CCDC22: variants seen among roughly 807,000 people sequenced by gnomAD.
CCDC22 encodes CCC complex scaffolding subunit CCDC22.
CCDC22 carries 4 observed loss-of-function variants against 53.1 expected under a neutral mutation model. The observed-to-expected ratio is 0.08, with a 90% confidence interval of 0.04 to 0.17. CCDC22 has a LOEUF of 0.17. CCDC22 is among the 10% of genes least tolerant of loss of function. The pLI is 1.00. For synonymous variants in CCDC22, 222 were observed against 224.4 expected (o/e 0.99, Z 0.10); for missense variants, 458 against 554.0 (o/e 0.83, Z 1.74).
intron 7 of CCDC22, 74 bp downstream of exon 7, chrX:49,246,999 C>T: frequency 4.6e-6 from 4 of 874,470 alleles, no homozygotes; most frequent in Non-Finnish European, 6.5e-6. Context: ...GTGTCAGCAC[C>T]ACACCTTTAT....
At chrX:49,243,530 C>T in intron 6 of CCDC22, 68 bp downstream of exon 6, 1 of 888,041 alleles carries the variant, frequency 1.1e-6, no homozygotes, top group Non-Finnish European at 1.5e-6. Flanking sequence ...TGGTCCTCTG[C>T]TCTCCTTCCC....
chrX:49,239,528 C>T (rs1475173658), intron 2 of CCDC22: 3 of 602,452 alleles, frequency 5.0e-6, no homozygotes, highest in African/African-American at 5.0e-5. Flanking sequence ...GAGTAACTAC[C>T]GTGAAAACTT....
chrX:49,246,380 T>G (rs1181967366), intron 6 of CCDC22, among the ~76,000 whole-genome samples: 1 of 112,436 alleles, frequency 8.9e-6, no homozygotes, highest in East Asian at 2.8e-4. Flanking sequence ...CCTCTTTCTG[T>G]GCTTGGTACC....
In CCDC22 at chrX:49,248,834, T is replaced by C; in HGVS notation, c.1449T>C (p.Thr483=). 1 of 1,210,597 alleles carries C rather than the reference T, an allele frequency of 8.3e-7. No homozygotes were observed. The highest frequency in any genetic ancestry group is 2.2e-5 in the Admixed American group (1 of 45,931). The change falls in exon 13 of 17, where the codon ACT becomes ACC. Residue 483 remains threonine, a synonymous_variant. Transcript: ENST00000376227. ...CTGCCTAGATGTCAGAGCTGGAGAC[T>C]CTGCCCAGAGATGTGTCCCGGCTGG... ...VYKQLMSELE[T]LPRDVSRLAY...
rs372144369 is a variant in CCDC22 at position 49,247,713 on chromosome X, G to A, written c.1037G>A (p.Arg346His). 5.9e-5 allele frequency: 71 copies of A among 1,207,470 alleles called. No homozygotes were observed. Among genetic ancestry groups the A allele is most frequent in the East Asian group, 2.1e-4 (7 of 33,708 alleles). ...SLREQLEGVN[R>H]SIEEVEADMK... ...CGGGAGCAGCTGGAAGGAGTGAACCGCAGCATTGAGGAGGTTGAGGCCGAC... is the reference window on the plus strand; with the variant it reads ...CGGGAGCAGCTGGAAGGAGTGAACCACAGCATTGAGGAGGTTGAGGCCGAC... The change falls in exon 9 of 17, where the codon CGC becomes CAC. Residue 346 changes from arginine to histidine, a missense_variant. Physicochemically the swap from Arg to His is conservative, Grantham distance 29. Transcript: ENST00000376227.
chrX:49,247,855 C>A lies in CCDC22; in HGVS notation c.1092+87C>A. On this transcript the variant is annotated intron_variant, in intron 9 of 16. Coordinates refer to ENST00000376227, the MANE Select transcript of CCDC22 (RefSeq NM_014008.5). The stretch of plus-strand genomic sequence containing the variant: ...GGGACTAGATGGGGCAAGAGGTGCT[C>A]TGTAGAGGTCTGCACATGGCAGAAG... The A allele has an allele frequency of 2.8e-6, 3 of 1,062,503 alleles. No individual in the cohort carries two copies. In the South Asian group the frequency reaches 6.1e-5, roughly 22 times the overall value. The allele number at this position is 1,062,503 out of a possible 1,213,427, so 87.6% of individuals were successfully genotyped here.
At chrX:49,242,494 G>A (rs911489895) in intron 3 of CCDC22, among the ~76,000 whole-genome samples, 9 of 111,303 alleles carry the variant, frequency 8.1e-5, no homozygotes, top group East Asian at 5.7e-4. Flanking sequence ...CCTTTGTATC[G>A]TTGGTTACCT....
Position 49,250,381 on chromosome X carries a change from GGACCCA to G in CCDC22, c.*126_*131del. ...GTCCAGTTCCTCCTGCTGCGGCCTT[GGACCCA>G]GACCCCTGCCCACTGACCGCAACCC... On this transcript the variant is annotated 3_prime_UTR_variant, in exon 17 of 17. Transcript: ENST00000376227. The G allele has an allele frequency of 1.9e-6, 1 of 525,501 alleles. No individual in the cohort carries two copies. The highest frequency in any genetic ancestry group is 2.6e-5 in the Admixed American group (1 of 37,905). The allele number at this position is 525,501 out of a possible 1,213,427, so 43.3% of individuals were successfully genotyped here. A position where few individuals can be genotyped will look rare whatever the true frequency, so the allele number is the denominator to read the frequency against.
At position 49,248,646 on chromosome X, in the gene CCDC22, G is replaced by C; in HGVS notation, c.1343G>C (p.Arg448Pro). The change falls in exon 12 of 17, where the codon CGA becomes CCA. Residue 448 changes from arginine (R) to proline (P), a missense_variant. By Grantham distance (103) the Arg-to-Pro change is moderately radical. Coordinates refer to ENST00000376227, the MANE Select transcript of CCDC22 (RefSeq NM_014008.5). The part of the protein sequence containing the change: ...LQDCRELESS[R>P]RLAEIQELHQ... ...GGCTCATGGCAGCTGGAATCTTCTC[G>C]ACGGCTGGCAGAGATCCAAGAACTG... 8.3e-7 allele frequency: 1 copy of C among 1,209,716 alleles called. No homozygotes were observed. The highest frequency in any genetic ancestry group is 1.1e-6 in the Non-Finnish European group (1 of 894,782).
chrX:49,235,825 T>TGA, intron 1 of CCDC22, 139 bp downstream of exon 1: 6 of 253,523 alleles, frequency 2.4e-5, no homozygotes, highest in East Asian at 6.4e-5. Flanking sequence ...CCTCACCCCC[T>TGA]TACACACACA....
chrX:49,236,463 C>T, intron 1 of CCDC22, among the ~76,000 whole-genome samples: 1 of 110,879 alleles, frequency 9.0e-6, no homozygotes, highest in Non-Finnish European at 1.9e-5. Flanking sequence ...CCGCCTCCGC[C>T]TCCCAAAGTG....
chrX:49,244,479 TC>T (rs2065979500), intron 6 of CCDC22, among the ~76,000 whole-genome samples: 1 of 110,547 alleles, frequency 9.0e-6, no homozygotes, highest in Non-Finnish European at 1.9e-5. Flanking sequence ...CTTCCCTCTG[TC>T]CCCTTATCTC....
In CCDC22 at chrX:49,246,736, C is replaced by G. The variant is rs782136284; in HGVS notation, c.720C>G (p.Asp240Glu). The change falls in exon 7 of 17, where the codon GAC becomes GAG. Residue 240 changes from aspartate (D) to glutamate (E), a missense_variant. By Grantham distance (45) the Asp-to-Glu change is conservative. Coordinates refer to ENST00000376227, the MANE Select transcript of CCDC22 (RefSeq NM_014008.5). Reference sequence around the variant, plus strand: ...CCCCCGCCTTTTCTCCCCAGGAGGACACACGGGCTCAGCGGCAGCGGCTGC... The same window carrying G: ...CCCCCGCCTTTTCTCCCCAGGAGGAGACACGGGCTCAGCGGCAGCGGCTGC... ...HRTSRLPPQE[D>E]TRAQRQRLQK... 8 of 1,150,387 alleles carry G rather than the reference C, an allele frequency of 7.0e-6. No homozygotes were observed. The East Asian group carries it at 2.5e-4, about 35-fold the overall frequency. The allele number at this position is 1,150,387 out of a possible 1,213,427, so 94.8% of individuals were successfully genotyped here.
chrX:49,239,184 T>G (rs945207056), intron 2 of CCDC22, among the ~76,000 whole-genome samples: 6 of 111,409 alleles, frequency 5.4e-5, no homozygotes, highest in African/African-American at 2.0e-4. Context: ...TTTCACCATC[T>G]TGGCCAGGCT....
In CCDC22 at chrX:49,242,966, C is replaced by A; in HGVS notation, c.442C>A (p.Arg148Ser). ...ACTGCCTTGGGTCCCGCCCCACCTT[C>A]GCACTCCCAAGCTGCAGCACCTCCA... ...LALPWVPPHL[R>S]TPKLQHLQGS... The change falls in exon 4 of 17, where the codon CGC (arginine) becomes AGC (serine). Residue 148 changes from arginine to serine, a missense_variant. Physicochemically the swap from Arg to Ser is moderately radical, Grantham distance 110 (BLOSUM62 -1). This residue lies in a region of CCDC22 where 309 missense variants were observed against 312.3 expected (regional missense o/e 0.99). Transcript: ENST00000376227. 1 of 1,162,130 alleles carries A rather than the reference C, an allele frequency of 8.6e-7. No individual in the cohort carries two copies. Among genetic ancestry groups the A allele is most frequent in the Non-Finnish European group, 1.2e-6 (1 of 868,956 alleles).
chrX:49,248,572 C>G (rs782623853), intron 11 of CCDC22, 49 bp downstream of exon 11: 10 of 1,195,962 alleles, frequency 8.4e-6, no homozygotes, highest in Non-Finnish European at 1.1e-5. Flanking sequence ...AGGCTCGGTC[C>G]CTCTCTAGGG....
chrX:49,249,683 C>T lies in CCDC22; in HGVS notation c.1728C>T (p.Asp576=). The change falls in exon 16 of 17, where the codon GAC becomes GAT. Residue 576 remains aspartate (D), a synonymous_variant. Transcript: ENST00000376227. ...NCSQLIQTIE[D]TGTIMREVRD... ...GCCAGCTCATCCAGACCATCGAGGA[C>T]ACAGGCACCATCATGCGGGAGGTTC... 2 of 1,210,336 alleles carry T rather than the reference C, an allele frequency of 1.7e-6. No homozygotes were observed. The highest frequency in any genetic ancestry group is 2.2e-6 in the Non-Finnish European group (2 of 895,239).
At chrX:49,247,393 C>T (rs2065995837) in intron 7 of CCDC22, 103 bp from the exon 8 acceptor site, 1 of 739,580 alleles carries the variant, frequency 1.4e-6, no homozygotes, top group Non-Finnish European at 2.0e-6. Flanking sequence ...CTTCAGTGGG[C>T]ATGCATGCCG....
At chrX:49,242,432 T>G (rs955543337) in intron 3 of CCDC22, 35 of 452,771 alleles carry the variant, frequency 7.7e-5, no homozygotes, top group African/African-American at 1.1e-4. Flanking sequence ...TCTAACCACT[T>G]GGGCCTCCTG....
Sources: gnomAD v4.1 joint callset for allele counts (sites outside exome capture counted in the v4.1 genomes callset) on GRCh38, gnomAD v4.1.1 for gene constraint, gnomAD v4.1.1 regional missense constraint, MANE v1.5 for transcripts, NCBI Gene and HGNC (gene_info 2026-07-23, HGNC 2026-07-21) for gene names.